The following DNAJB6 variants were observed in gnomAD, a reference collection of about 807,000 sequenced individuals.
DNAJB6 encodes the protein DnaJ heat shock protein family (Hsp40) member B6.
Under a neutral mutation model 42.7 loss-of-function variants are expected in DNAJB6, and 16 were observed. That is an observed-to-expected ratio of 0.37 (90% CI 0.25 to 0.57). The LOEUF (loss-of-function observed/expected upper bound fraction) is 0.57, where lower values mean the gene tolerates loss of function less well. Among genes scored for constraint, DNAJB6 ranks in the 20% least tolerant of loss-of-function variants. The pLI is 0.74. For synonymous variants in DNAJB6, 170 were observed against 163.5 expected, an observed-to-expected ratio of 1.04 and a Z score of -0.30; for missense variants, 347 against 416.8, an observed-to-expected ratio of 0.83 and a Z score of 1.46.
At chr7:157,391,393 G>T (rs1028961850) in intron 8 of DNAJB6, among the ~76,000 whole-genome samples, 1 of 152,254 alleles carries the variant, frequency 6.6e-6, no homozygotes, top group African/African-American at 2.4e-5. Context: ...ACGAGAAAGT[G>T]CTGTTTTCCA....
intron 5 of DNAJB6, chr7:157,379,711 CTGA>C (rs1800653750): frequency 6.6e-6 from 1 of 152,294 alleles, no homozygotes; most frequent in Non-Finnish European, 1.5e-5. Context: ...TCTTGAACCC[CTGA>C]CCTCCAGGGA....
intron 1 of DNAJB6, among the ~76,000 whole-genome samples, chr7:157,341,304 T>A (rs1798367658): frequency 6.6e-6 from 1 of 151,948 alleles, no homozygotes; most frequent in Non-Finnish European, 1.5e-5. Flanking sequence ...TTTGTATTTT[T>A]AGTAGAGACG....
chr7:157,339,815 C>T (rs915420282), intron 1 of DNAJB6: 2 of 152,302 alleles, frequency 1.3e-5, no homozygotes, highest in Admixed American at 6.6e-5. Flanking sequence ...TTATTAGAGA[C>T]GAGGTTTCAC....
At chr7:157,380,598 C>T (rs1030035333) in intron 5 of DNAJB6, 2 of 152,490 alleles carry the variant, frequency 1.3e-5, no homozygotes, top group Non-Finnish European at 2.9e-5. Context: ...TCTAGGTCTC[C>T]ACCTCACACG....
At chr7:157,347,593 C>G (rs569820771) in intron 1 of DNAJB6, among the ~76,000 whole-genome samples, 1 of 152,302 alleles carries the variant, frequency 6.6e-6, no homozygotes, top group South Asian at 2.1e-4. Context: ...CAGTAACTCA[C>G]AGAATGACTG....
intron 1 of DNAJB6, among the ~76,000 whole-genome samples, chr7:157,350,128 C>T (rs1457955030): frequency 6.6e-6 from 1 of 152,126 alleles, no homozygotes; most frequent in African/African-American, 2.4e-5. Flanking sequence ...TCCATTTTCC[C>T]GTCCTGATCA....
At chr7:157,356,322 G>C (rs1042228840) in intron 1 of DNAJB6, among the ~76,000 whole-genome samples, 5 of 152,250 alleles carry the variant, frequency 3.3e-5, no homozygotes, top group African/African-American at 4.8e-5. Context: ...TGAGGGAGAC[G>C]TGAAGAAACG....
intron 9 of DNAJB6, chr7:157,410,252 C>A: frequency 1.2e-6 from 1 of 838,986 alleles, no homozygotes; most frequent in Non-Finnish European, 1.7e-6. Context: ...TGTTGCTCCG[C>A]AAAGGATGAC....
Position 157,409,855 on chromosome 7 carries a change from C to G in DNAJB6, c.752C>G (p.Pro251Arg). The G allele has an allele frequency of 3.9e-6, 6 of 1,533,574 alleles. No individual in the cohort carries two copies. Among genetic ancestry groups the G allele is most frequent in the South Asian group, 2.4e-5 (2 of 83,846 alleles). 95.0% of individuals were successfully genotyped at this position (1,533,574 alleles called of 1,614,324 possible). The stretch of plus-strand genomic sequence containing the variant: ...ATGCGGAGAGGCCAGAACGCCCTGC[C>G]AGCCCAGCCTGCCGGCCTCCGCCCG... ...ERMRRGQNAL[P>R]AQPAGLRPPK... Residue 251 changes from proline to arginine, a missense_variant, in exon 9 of 10, where the codon CCA becomes CGA. Pro to Arg is a moderately radical substitution (Grantham distance 103). This residue lies in a region of DNAJB6 where 264 missense variants were observed against 288.0 expected (regional missense o/e 0.92). Coordinates refer to ENST00000262177, the MANE Select transcript of DNAJB6 (RefSeq NM_058246.4).
At chr7:157,343,944 A>G (rs1206302780) in intron 1 of DNAJB6, among the ~76,000 whole-genome samples, 1 of 152,184 alleles carries the variant, frequency 6.6e-6, no homozygotes, top group Non-Finnish European at 1.5e-5. Context: ...TTCCTAAGAA[A>G]TATTTTTTCT....
intron 6 of DNAJB6, 67 bp downstream of exon 6, chr7:157,382,444 T>C: frequency 6.6e-7 from 1 of 1,504,382 alleles, no homozygotes; most frequent in Non-Finnish European, 8.9e-7. Flanking sequence ...ATCATAATAC[T>C]CTTTTAGTTA....
intron 9 of DNAJB6, 87 bp from the exon 10 acceptor site, chr7:157,415,925 TAACA>T: frequency 6.3e-7 from 1 of 1,597,940 alleles, no homozygotes; most frequent in Admixed American, 1.7e-5. Context: ...TTTTTGTTCT[TAACA>T]TGGGGAGATA....
intron 1 of DNAJB6, among the ~76,000 whole-genome samples, chr7:157,353,268 T>C (rs1482542490): frequency 6.6e-6 from 1 of 150,560 alleles, no homozygotes; most frequent in Non-Finnish European, 1.5e-5. Context: ...ACTTCGTCTT[T>C]TTGAAGTTTT....
chr7:157,384,204 A>G (rs1191111967), intron 6 of DNAJB6, among the ~76,000 whole-genome samples: 1 of 152,240 alleles, frequency 6.6e-6, no homozygotes, highest in African/African-American at 2.4e-5. Context: ...GATAATATCC[A>G]TAATGTATAA....
At chr7:157,393,968 T>C (rs1384134268) in intron 8 of DNAJB6, among the ~76,000 whole-genome samples, 1 of 152,238 alleles carries the variant, frequency 6.6e-6, no homozygotes, top group Non-Finnish European at 1.5e-5. Context: ...ATCATGCGCC[T>C]TTCTCATTCT....
At chr7:157,378,188 A>G (rs1462715229) in intron 5 of DNAJB6, 3 of 152,218 alleles carry the variant, frequency 2.0e-5, no homozygotes, top group Admixed American at 1.3e-4. Flanking sequence ...TCCACTGCCC[A>G]TTCTGTGGTC....
chr7:157,398,911 T>G (rs1801720958), intron 8 of DNAJB6, among the ~76,000 whole-genome samples: 1 of 152,224 alleles, frequency 6.6e-6, no homozygotes, highest in South Asian at 2.1e-4. Context: ...AAACTAAAAT[T>G]GTTTAAACAA....
chr7:157,348,700 T>C (rs139198437), intron 1 of DNAJB6, among the ~76,000 whole-genome samples: 1 of 152,166 alleles, frequency 6.6e-6, no homozygotes, highest in East Asian at 1.9e-4. Flanking sequence ...ACCGCTTAAC[T>C]CTTCTACTTA....
chr7:157,369,267 C>T (rs1442608054), intron 5 of DNAJB6: 6 of 456,572 alleles, frequency 1.3e-5, no homozygotes, highest in Non-Finnish European at 2.2e-5. Flanking sequence ...AAATATTTCT[C>T]TAAGAAAAAT....
Sources: gnomAD v4.1 joint callset for allele counts (sites outside exome capture counted in the v4.1 genomes callset) on GRCh38, gnomAD v4.1.1 for gene constraint, gnomAD v4.1.1 regional missense constraint, MANE v1.5 for transcripts, NCBI Gene and HGNC (gene_info 2026-07-23, HGNC 2026-07-21) for gene names.